Variants in TNR observed in about 807,000 individuals in gnomAD.
The protein encoded by TNR is tenascin R.
Under a neutral mutation model 150.4 loss-of-function variants are expected in TNR, and 45 were observed. That is an observed-to-expected ratio of 0.30 (90% CI 0.24 to 0.38). TNR has a LOEUF of 0.38. Ranked by LOEUF, TNR falls within the 10% of genes least tolerant of loss-of-function variation. The pLI is 1.00. For synonymous variants in TNR, 687 were observed against 678.4 expected, an observed-to-expected ratio of 1.01 and a Z score of -0.20; for missense variants, 1,544 against 1,759.1, an observed-to-expected ratio of 0.88 and a Z score of 2.19.
Position 175,337,648 on chromosome 1 carries a change from A to G in TNR, c.3414T>C (p.Cys1138=). 1 of 1,614,234 alleles carries G rather than the reference A, an allele frequency of 6.2e-7. No homozygotes were observed. Among genetic ancestry groups the G allele is most frequent in the Non-Finnish European group, 8.5e-7 (1 of 1,180,034 alleles). Reference sequence around the variant, plus strand: ...TGTCTCCATTCATCAAATGCTGGGCACAGTCTTGGGGATGAGGGAACACCC... The same window carrying G: ...TGTCTCCATTCATCAAATGCTGGGCGCAGTCTTGGGGATGAGGGAACACCC... The part of the protein sequence containing the change: ...GGRVFPHPQD[C]AQHLMNGDTL... The change falls in exon 19 of 23, where the codon TGT becomes TGC. Residue 1138 remains cysteine (C), a synonymous_variant. Coordinates refer to ENST00000367674, the MANE Select transcript of TNR (RefSeq NM_003285.3).
intron 1 of TNR, among the ~76,000 whole-genome samples, chr1:175,688,166 C>A (rs1666257037): frequency 6.6e-6 from 1 of 152,184 alleles, no homozygotes; most frequent in Non-Finnish European, 1.5e-5. Context: ...TCAAATGAGC[C>A]CTCAGCTCTG....
At chr1:175,393,274 A>G (rs1435817231) in intron 6 of TNR, among the ~76,000 whole-genome samples, 1 of 152,256 alleles carries the variant, frequency 6.6e-6, no homozygotes, top group Non-Finnish European at 1.5e-5. Flanking sequence ...CAAATGTATT[A>G]TGAATAATCC....
At chr1:175,675,907 G>T (rs147949001) in intron 1 of TNR, among the ~76,000 whole-genome samples, 20 of 152,272 alleles carry the variant, frequency 1.3e-4, no homozygotes, top group African/African-American at 4.3e-4. Flanking sequence ...GGAAACACTG[G>T]ATTCTGTCAA....
At chr1:175,653,563 T>C (rs1403325863) in intron 1 of TNR, among the ~76,000 whole-genome samples, 3 of 152,124 alleles carry the variant, frequency 2.0e-5, no homozygotes, top group Non-Finnish European at 2.9e-5. Flanking sequence ...AGTGGAAGAA[T>C]ACAAGAGAGG....
At chr1:175,331,158 TTTCTTTCC>T (rs1649881341) in intron 20 of TNR, among the ~76,000 whole-genome samples, 1 of 101,596 alleles carries the variant, frequency 9.8e-6, no homozygotes, top group South Asian at 3.1e-4. Context: ...TTTCTTTCTT[TTTCTTTCC>T]TTCCTTCCTT....
At chr1:175,684,224 G>A (rs1666122122) in intron 1 of TNR, among the ~76,000 whole-genome samples, 1 of 152,180 alleles carries the variant, frequency 6.6e-6, no homozygotes, top group South Asian at 2.1e-4. Context: ...CCACTCATCT[G>A]TTCGTTCAAC....
intron 1 of TNR, among the ~76,000 whole-genome samples, chr1:175,642,844 T>C (rs1288069634): frequency 6.6e-6 from 1 of 152,078 alleles, no homozygotes; most frequent in African/African-American, 2.4e-5. Context: ...AGCAGGAGGA[T>C]CACTTGAGCC....
intron 1 of TNR, among the ~76,000 whole-genome samples, chr1:175,624,259 T>C (rs1218658300): frequency 3.3e-5 from 5 of 152,228 alleles, no homozygotes; most frequent in Admixed American, 2.0e-4. Context: ...AATTCTTTCC[T>C]GGAAATAGAT....
chr1:175,455,075 TG>T (rs1656506177), intron 2 of TNR, among the ~76,000 whole-genome samples: 1 of 152,208 alleles, frequency 6.6e-6, no homozygotes, highest in African/African-American at 2.4e-5. Context: ...GCCACCATGC[TG>T]GAGAGGTCAC....
intron 1 of TNR, among the ~76,000 whole-genome samples, chr1:175,574,009 G>T (rs1334382329): frequency 1.3e-5 from 2 of 152,228 alleles, no homozygotes; most frequent in Non-Finnish European, 2.9e-5. Flanking sequence ...TTGGATATGA[G>T]TTGGGAGATC....
intron 1 of TNR, among the ~76,000 whole-genome samples, chr1:175,533,906 C>T (rs1660169172): frequency 6.6e-6 from 1 of 152,156 alleles, no homozygotes; most frequent in Admixed American, 6.5e-5. Context: ...CAGAAAAGCA[C>T]ACAGTCACAT....
chr1:175,627,695 T>A (rs1427690434), intron 1 of TNR, among the ~76,000 whole-genome samples: 1 of 151,604 alleles, frequency 6.6e-6, no homozygotes, highest in East Asian at 2.0e-4. Context: ...CCATCCCCCA[T>A]CCTTACCCAC....
At chr1:175,650,937 A>ACCCCTCCCCATCTCATTACTC (rs1664961078) in intron 1 of TNR, among the ~76,000 whole-genome samples, 1 of 11,266 alleles carries the variant, frequency 8.9e-5, no homozygotes, top group Non-Finnish European at 1.6e-4. Context: ...CCTCATTACT[A>ACCCCTCCCCATCTCATTACTC]CCCCTCCCCA....
intron 1 of TNR, among the ~76,000 whole-genome samples, chr1:175,634,684 T>C (rs751417020): frequency 6.6e-4 from 101 of 152,266 alleles, no homozygotes; most frequent in Non-Finnish European, 1.2e-3. Flanking sequence ...TCCACCATCC[T>C]AAGTTCCAAG....
intron 21 of TNR, 71 bp from the exon 22 acceptor site, chr1:175,324,590 C>A (rs553590748): frequency 3.9e-6 from 6 of 1,550,762 alleles, no homozygotes; most frequent in East Asian, 4.5e-5. Context: ...GGACACTTGA[C>A]CCACTTCCAG....
intron 2 of TNR, among the ~76,000 whole-genome samples, chr1:175,464,671 C>A (rs1444663471): frequency 6.6e-6 from 1 of 152,196 alleles, no homozygotes; most frequent in African/African-American, 2.4e-5. Flanking sequence ...GAGCTGAGGT[C>A]ATTTTCTAGA....
Position 175,461,114 on chromosome 1 carries a change from C to T in TNR, c.-63-54337G>A, listed in dbSNP as rs79801970. 8.0e-3 allele frequency among the ~76,000 whole-genome samples: 1,216 copies of T among 152,328 alleles called. 8 individuals are homozygous for T. Among genetic ancestry groups the T allele is most frequent in the East Asian group, 0.02 (104 of 5,174 alleles). ...AAATTACTCAAAGCCTCAAGAATCG[C>T]TCCCTTCCTGGTCCCAGATGGATGG... is the stretch of plus-strand genomic sequence containing the variant. On this transcript the variant is annotated intron_variant, in intron 2 of 22. Coordinates refer to ENST00000367674, the MANE Select transcript of TNR (RefSeq NM_003285.3).
At chr1:175,648,777 C>G (rs947603990) in intron 1 of TNR, among the ~76,000 whole-genome samples, 1 of 152,200 alleles carries the variant, frequency 6.6e-6, no homozygotes, top group African/African-American at 2.4e-5. Flanking sequence ...TGTCCTCAGT[C>G]TGCTCCACCG....
At chr1:175,395,426 C>G (rs910280168) in intron 5 of TNR, among the ~76,000 whole-genome samples, 1 of 152,178 alleles carries the variant, frequency 6.6e-6, no homozygotes, top group South Asian at 2.1e-4. Flanking sequence ...TTTCTGAATT[C>G]TAGAGGGCTT....
Sources: gnomAD v4.1 joint callset for allele counts (sites outside exome capture counted in the v4.1 genomes callset) on GRCh38, gnomAD v4.1.1 for gene constraint, MANE v1.5 for transcripts, NCBI Gene and HGNC (gene_info 2026-07-23, HGNC 2026-07-21) for gene names.